UGT2B7: variants seen among roughly 807,000 people sequenced by gnomAD.
UGT2B7 encodes the protein UDP-glucuronosyltransferase 2B7.
In UGT2B7, 51 loss-of-function variants were observed where a neutral mutation model predicts 51.9. The observed-to-expected ratio is 0.98, with a 90% confidence interval of 0.78 to 1.24. The LOEUF (loss-of-function observed/expected upper bound fraction) is 1.24. Among genes scored for constraint, UGT2B7 ranks in the 50% most tolerant of loss-of-function variants. The pLI is 0.00. For missense variants in UGT2B7, 727 were observed against 628.4 expected (o/e 1.16, Z -1.68); for synonymous variants, 225 against 211.6 (o/e 1.06, Z -0.55).
chr4:69,079,483 T>C (rs1414367879), intron 1 of UGT2B7, among the ~76,000 whole-genome samples: 1 of 152,166 alleles, frequency 6.6e-6, no homozygotes, highest in Non-Finnish European at 1.5e-5. Context: ...TAAAGTATAA[T>C]AAAAAATATA....
In UGT2B7 at chr4:69,112,850, GA is replaced by G. The variant is rs1201754633; in HGVS notation, c.*123del. 68 of 974,594 alleles carry G rather than the reference GA, an allele frequency of 7.0e-5. No individual in the cohort carries two copies. The highest frequency in any genetic ancestry group is 8.1e-5 in the Non-Finnish European group (59 of 731,792). 60.4% of individuals were successfully genotyped at this position (974,594 alleles called of 1,614,324 possible). A position where few individuals can be genotyped will look rare whatever the true frequency, so the allele number is the denominator to read the frequency against. ...TCTTCCTGAGACAAAAAAAAAAAAA[GA>G]AAAAAAAATCTTTTCAAAATTTACT... On this transcript the variant is annotated 3_prime_UTR_variant, in exon 6 of 6. Coordinates refer to ENST00000305231, the MANE Select transcript of UGT2B7 (RefSeq NM_001074.4).
At chr4:69,054,035 A>C (rs541723981) in intron 1 of UGT2B7, among the ~76,000 whole-genome samples, 1 of 152,214 alleles carries the variant, frequency 6.6e-6, no homozygotes, top group Non-Finnish European at 1.5e-5. Context: ...AAAGCTTGAA[A>C]TCAAATAGCT....
rs577511842 is a variant in UGT2B7 at position 69,110,806 on chromosome 4, G to A, written c.1311-1651G>A. Among the ~76,000 whole-genome samples, 28 of 152,156 alleles carry A rather than the reference G, an allele frequency of 1.8e-4. No individual in the cohort carries two copies. In the Middle Eastern group the frequency reaches 0.017, roughly 92 times the overall value. The stretch of plus-strand genomic sequence containing the variant: ...CCACAATCTGAACAGTAGGTAAATC[G>A]ATATCTTCACCTCAAGATAATGTTC... On this transcript the variant is annotated intron_variant, in intron 5 of 5. Transcript: ENST00000305231.
upstream of UGT2B7, among the ~76,000 whole-genome samples, chr4:69,092,709 C>CTAT: frequency 6.6e-6 from 1 of 151,850 alleles, no homozygotes; most frequent in Non-Finnish European, 1.5e-5. Context: ...AGATAAGTGT[C>CTAT]TTTTATTTTA....
Position 69,096,669 on chromosome 4 carries a change from G to A in UGT2B7, c.149G>A (p.Gly50Asp), listed in dbSNP as rs771477682. Residue 50 changes from glycine (G) to aspartate (D), a missense_variant, in exon 1 of 6, where the codon GGT (glycine) becomes GAT (aspartate). By Grantham distance (94) the Gly-to-Asp change is moderately conservative. Coordinates refer to ENST00000305231, the MANE Select transcript of UGT2B7 (RefSeq NM_001074.4). ...KTILDELIQRGHEVTVLASSA... is the reference protein window; with the variant it reads ...KTILDELIQRDHEVTVLASSA... ...ATCCTGGATGAGCTTATTCAGAGAG[G>A]TCATGAGGTGACTGTACTGGCATCT... The A allele has an allele frequency of 1.2e-6, 2 of 1,614,000 alleles. No homozygotes were observed. Among genetic ancestry groups the A allele is most frequent in the Non-Finnish European group, 1.7e-6 (2 of 1,179,934 alleles).
chr4:69,077,139 T>C (rs1164363073), intron 1 of UGT2B7, among the ~76,000 whole-genome samples: 2 of 152,162 alleles, frequency 1.3e-5, no homozygotes, highest in Non-Finnish European at 2.9e-5. Context: ...CATTGGTCTA[T>C]ATATCTGTTT....
At chr4:69,102,509 AC>A (rs1719451524) in intron 2 of UGT2B7, among the ~76,000 whole-genome samples, 1 of 152,136 alleles carries the variant, frequency 6.6e-6, no homozygotes, top group Non-Finnish European at 1.5e-5. Context: ...AATATTTTTA[AC>A]ATTATCTCCC....
intron 1 of UGT2B7, among the ~76,000 whole-genome samples, chr4:69,081,747 A>AGAT (rs1430085782): frequency 6.6e-6 from 1 of 152,124 alleles, no homozygotes; most frequent in Non-Finnish European, 1.5e-5. Flanking sequence ...ATTGCTCCAT[A>AGAT]GATGGATAAT....
intron 1 of UGT2B7, among the ~76,000 whole-genome samples, chr4:69,097,603 T>TA (rs1304544671): frequency 6.6e-6 from 1 of 152,114 alleles, no homozygotes; most frequent in Non-Finnish European, 1.5e-5. Flanking sequence ...AATGAGTAGT[T>TA]ACACATTTTT....
chr4:69,079,789 C>A (rs1470442099), intron 1 of UGT2B7, among the ~76,000 whole-genome samples: 4 of 152,028 alleles, frequency 2.6e-5, no homozygotes, highest in African/African-American at 9.6e-5. Context: ...TTGGCATATA[C>A]AATGTGAACA....
intron 1 of UGT2B7, 35 bp downstream of exon 1, chr4:69,097,276 T>G (rs1719273519): frequency 2.5e-6 from 4 of 1,586,728 alleles, no homozygotes; most frequent in Non-Finnish European, 3.4e-6. Context: ...CATGAAGCTC[T>G]AACTTATTTG....
chr4:69,073,837 G>C (rs555682376), intron 1 of UGT2B7, among the ~76,000 whole-genome samples: 5 of 152,238 alleles, frequency 3.3e-5, no homozygotes, highest in South Asian at 4.1e-4. Context: ...AATTTCTAGA[G>C]CATTAGATAA....
At chr4:69,073,774 C>G (rs1438494801) in intron 1 of UGT2B7, among the ~76,000 whole-genome samples, 1 of 151,996 alleles carries the variant, frequency 6.6e-6, no homozygotes, top group Non-Finnish European at 1.5e-5. Flanking sequence ...CAGGAAATTT[C>G]TAATGTAAGG....
At chr4:69,054,859 G>A (rs186715552) in intron 1 of UGT2B7, among the ~76,000 whole-genome samples, 63 of 152,040 alleles carry the variant, frequency 4.1e-4, no homozygotes, top group Non-Finnish European at 1.2e-4. Flanking sequence ...CTCAGACTGA[G>A]GGCTGTTCCC....
At chr4:69,100,763 C>G (rs1719392615) in intron 2 of UGT2B7, among the ~76,000 whole-genome samples, 1 of 152,008 alleles carries the variant, frequency 6.6e-6, no homozygotes, top group Admixed American at 6.6e-5. Flanking sequence ...GATTTGAATG[C>G]AAGTCAATGG....
chr4:69,086,335 T>A (rs184308308), intron 1 of UGT2B7, among the ~76,000 whole-genome samples: 1 of 151,826 alleles, frequency 6.6e-6, no homozygotes, highest in Non-Finnish European at 1.5e-5. Flanking sequence ...TATTCCATTG[T>A]GGAAAAAAAT....
At chr4:69,076,488 G>A (rs1718709957) in intron 1 of UGT2B7, among the ~76,000 whole-genome samples, 2 of 152,194 alleles carry the variant, frequency 1.3e-5, no homozygotes, top group Non-Finnish European at 2.9e-5. Context: ...ACTGGCGTGA[G>A]ATGGTATTTC....
At chr4:69,073,539 CA>C (rs1351971512) in intron 1 of UGT2B7, among the ~76,000 whole-genome samples, 1 of 152,014 alleles carries the variant, frequency 6.6e-6, no homozygotes, top group Non-Finnish European at 1.5e-5. Context: ...GTCAGATAAA[CA>C]AGTAAAAATT....
intron 2 of UGT2B7, 132 bp from the exon 3 acceptor site, chr4:69,102,675 T>TA (rs1315936567): frequency 7.1e-7 from 1 of 1,400,818 alleles, no homozygotes; most frequent in Admixed American, 2.5e-5. Flanking sequence ...TTGGGTCAGT[T>TA]AAAAAATATT....
Sources: allele counts gnomAD v4.1 joint callset (sites outside exome capture counted in the v4.1 genomes callset), GRCh38; gene constraint gnomAD v4.1.1; transcripts MANE v1.5; gene names NCBI Gene and HGNC (gene_info 2026-07-23, HGNC 2026-07-21).